LYPD6: variants seen among roughly 807,000 people sequenced by gnomAD.
LYPD6 encodes the protein LY6/PLAUR domain containing 6.
LYPD6 carries 15 observed loss-of-function variants against 22.7 expected under a neutral mutation model. That is an observed-to-expected ratio of 0.66 (90% CI 0.44 to 1.02). The LOEUF (loss-of-function observed/expected upper bound fraction) is 1.02, where lower values mean the gene tolerates loss of function less well. LYPD6 is among the 50% of genes least tolerant of loss of function. LYPD6 has a pLI of 0.00. For missense variants in LYPD6, 189 were observed against 208.4 expected (o/e 0.91, Z 0.57); for synonymous variants, 72 against 77.5 (o/e 0.93, Z 0.37).
intron 1 of LYPD6, among the ~76,000 whole-genome samples, chr2:149,394,119 C>G (rs983547482): frequency 1.3e-5 from 2 of 152,350 alleles, no homozygotes; most frequent in Admixed American, 6.5e-5. Flanking sequence ...TTTGGAAAGT[C>G]AGAAACTAAT....
intron 1 of LYPD6, among the ~76,000 whole-genome samples, chr2:149,430,349 C>T (rs550308444): frequency 1.3e-5 from 2 of 152,312 alleles, no homozygotes; most frequent in South Asian, 4.1e-4. Flanking sequence ...ATCCTCCTGC[C>T]TCAGCCTCCC....
At chr2:149,417,835 ATC>A (rs1312584562) in intron 1 of LYPD6, among the ~76,000 whole-genome samples, 1 of 152,176 alleles carries the variant, frequency 6.6e-6, no homozygotes, top group East Asian at 1.9e-4. Context: ...TATTGTTTTC[ATC>A]TGTTTTGTTT....
chr2:149,439,229 A>T (rs1043123950), intron 2 of LYPD6, among the ~76,000 whole-genome samples: 3 of 152,090 alleles, frequency 2.0e-5, no homozygotes, highest in African/African-American at 7.2e-5. Flanking sequence ...ATTTCTTTAG[A>T]TTTCTATTGT....
At chr2:149,395,069 C>T (rs535755546) in intron 1 of LYPD6, among the ~76,000 whole-genome samples, 1 of 152,174 alleles carries the variant, frequency 6.6e-6, no homozygotes, top group Non-Finnish European at 1.5e-5. Context: ...TCTGTAATGG[C>T]CTTGGAATAG....
intron 1 of LYPD6, among the ~76,000 whole-genome samples, chr2:149,421,626 C>T (rs1183419446): frequency 6.6e-6 from 1 of 151,892 alleles, no homozygotes; most frequent in Non-Finnish European, 1.5e-5. Flanking sequence ...AGTAAGTGCT[C>T]AATAAACGTT....
chr2:149,477,018 G>A (rs1238502779), downstream of LYPD6, among the ~76,000 whole-genome samples: 1 of 152,182 alleles, frequency 6.6e-6, no homozygotes, highest in Non-Finnish European at 1.5e-5. Context: ...AAGGGGCTGA[G>A]TAGATGTCAG....
chr2:149,437,001 G>T (rs1683446649), intron 1 of LYPD6, among the ~76,000 whole-genome samples: 1 of 152,200 alleles, frequency 6.6e-6, no homozygotes, highest in South Asian at 2.1e-4. Context: ...CTTATTTGCT[G>T]AACCCCAGTT....
intron 1 of LYPD6, among the ~76,000 whole-genome samples, chr2:149,383,338 A>G (rs2105090045): frequency 6.6e-6 from 1 of 152,266 alleles, no homozygotes; most frequent in East Asian, 1.9e-4. Flanking sequence ...AAACTTAACC[A>G]CATCTTTTGG....
chr2:149,382,953 A>G (rs1178647109), intron 1 of LYPD6, among the ~76,000 whole-genome samples: 3 of 152,172 alleles, frequency 2.0e-5, no homozygotes, highest in African/African-American at 7.2e-5. Flanking sequence ...TCCAAGGAAA[A>G]TGGTCAGAAT....
intron 1 of LYPD6, among the ~76,000 whole-genome samples, chr2:149,334,308 C>G (rs1397296980): frequency 1.3e-5 from 2 of 152,174 alleles, no homozygotes; most frequent in African/African-American, 4.8e-5. Flanking sequence ...CCCTTAAATA[C>G]TGTGAAATAA....
At chr2:149,370,404 A>T (rs1035264761) in intron 1 of LYPD6, 1 of 152,104 alleles carries the variant, frequency 6.6e-6, no homozygotes, top group Non-Finnish European at 1.5e-5. Flanking sequence ...TGGAGCCTTT[A>T]GGAGGTGATT....
At chr2:149,356,047 A>G (rs1343652433) in intron 1 of LYPD6, among the ~76,000 whole-genome samples, 3 of 152,002 alleles carry the variant, frequency 2.0e-5, no homozygotes, top group Non-Finnish European at 2.9e-5. Flanking sequence ...GAACAGGGCA[A>G]TAGCAGGGAC....
At chr2:149,430,084 G>T (rs554128327) in intron 1 of LYPD6, among the ~76,000 whole-genome samples, 1 of 152,102 alleles carries the variant, frequency 6.6e-6, no homozygotes, top group Non-Finnish European at 1.5e-5. Context: ...ACATGTGAAA[G>T]AATTCGCAAT....
At chr2:149,477,385 G>A (rs549886341), downstream of LYPD6, among the ~76,000 whole-genome samples, 4 of 152,176 alleles carry the variant, frequency 2.6e-5, no homozygotes, top group African/African-American at 9.6e-5. Flanking sequence ...CACTTTGGGA[G>A]GCCAAGGAGG....
At chr2:149,435,666 T>A (rs1476760116) in intron 1 of LYPD6, among the ~76,000 whole-genome samples, 3 of 152,218 alleles carry the variant, frequency 2.0e-5, no homozygotes, top group African/African-American at 7.2e-5. Context: ...GGATACTTGT[T>A]TTTTCATCAT....
Position 149,447,833 on chromosome 2 carries a change from AT to A in LYPD6, c.119-1212del, listed in dbSNP as rs530410998. On this transcript the variant is annotated intron_variant, in intron 2 of 4. Transcript: ENST00000334166. ...TGAGATAATTTTAAAGTCATATGCA[AT>A]TTTAGGACATAGTACATGATGCTGA... 3.3e-4 allele frequency among the ~76,000 whole-genome samples: 51 copies of A among 152,322 alleles called. No homozygotes were observed. In the East Asian group the frequency reaches 7.3e-3, roughly 22 times the overall value.
intron 1 of LYPD6, among the ~76,000 whole-genome samples, chr2:149,331,861 C>T (rs552934098): frequency 6.6e-6 from 1 of 152,294 alleles, no homozygotes; most frequent in South Asian, 2.1e-4. Flanking sequence ...GTGACATACA[C>T]ACTGTTCTGC....
chr2:149,428,889 G>A (rs997115363), intron 1 of LYPD6, among the ~76,000 whole-genome samples: 3 of 152,198 alleles, frequency 2.0e-5, no homozygotes, highest in Admixed American at 6.5e-5. Flanking sequence ...TAGGTAACAT[G>A]TCAGTGAGGA....
In LYPD6 at chr2:149,366,080, C is replaced by A. The variant is rs77433290; in HGVS notation, c.-72+35358C>A. ...GTGGGTGGCTAATTATTCAAACTTG[C>A]ATTCTGTATGATTAAACCACATGGA... On this transcript the variant is annotated intron_variant, in intron 1 of 4. Transcript: ENST00000334166. Among the ~76,000 whole-genome samples, 1,336 of 152,318 alleles carry A rather than the reference C, an allele frequency of 8.8e-3. 23 individuals are homozygous for A. The highest frequency in any genetic ancestry group is 0.031 in the African/African-American group (1,281 of 41,564).
Sources: gnomAD v4.1 joint callset for allele counts (sites outside exome capture counted in the v4.1 genomes callset) on GRCh38, gnomAD v4.1.1 for gene constraint, MANE v1.5 for transcripts, NCBI Gene and HGNC (gene_info 2026-07-23, HGNC 2026-07-21) for gene names.